CNTN4: variants seen among roughly 807,000 people sequenced by gnomAD.
CNTN4 encodes contactin 4.
CNTN4 carries 77 observed loss-of-function variants against 122.5 expected under a neutral mutation model. The observed-to-expected ratio is 0.63, with a 90% CI of 0.52 to 0.76. CNTN4 has a LOEUF of 0.76. CNTN4 is among the 30% of genes least tolerant of loss of function. CNTN4 has a pLI of 0.00. For missense variants in CNTN4, 1,256 were observed against 1,259.1 expected, an observed-to-expected ratio of 1.00 and a Z score of 0.04; for synonymous variants, 512 against 447.0, an observed-to-expected ratio of 1.15 and a Z score of -1.83.
intron 4 of CNTN4, among the ~76,000 whole-genome samples, chr3:2,606,622 A>G (rs1253218185): frequency 6.6e-6 from 1 of 152,198 alleles, no homozygotes; most frequent in Non-Finnish European, 1.5e-5. Context: ...TCTGAACACA[A>G]TAAGTTGACA....
intron 12 of CNTN4, among the ~76,000 whole-genome samples, chr3:2,907,515 G>C (rs2094250089): frequency 6.6e-6 from 1 of 150,910 alleles, no homozygotes; most frequent in African/African-American, 2.4e-5. Flanking sequence ...AAAGGTTGCA[G>C]TCAGCTAAGA....
chr3:2,550,070 C>A (rs1363195314), intron 3 of CNTN4, among the ~76,000 whole-genome samples: 1 of 151,794 alleles, frequency 6.6e-6, no homozygotes, highest in Non-Finnish European at 1.5e-5. Flanking sequence ...TTTTATTGTG[C>A]CTATTTGATT....
chr3:2,225,615 G>A (rs559294619), intron 2 of CNTN4, among the ~76,000 whole-genome samples: 4 of 152,234 alleles, frequency 2.6e-5, no homozygotes, highest in African/African-American at 9.6e-5. Context: ...ACTATCTCAC[G>A]ACTTTTCTAT....
intron 4 of CNTN4, among the ~76,000 whole-genome samples, chr3:2,584,942 T>TAGATAGAC (rs2080119815): frequency 6.6e-6 from 1 of 151,880 alleles, no homozygotes; most frequent in African/African-American, 2.4e-5. Flanking sequence ...GATAGATAGA[T>TAGATAGAC]AGACAGAAAA....
chr3:2,613,033 T>C (rs1236156080), intron 4 of CNTN4, among the ~76,000 whole-genome samples: 3 of 152,124 alleles, frequency 2.0e-5, no homozygotes, highest in Non-Finnish European at 4.4e-5. Context: ...GTATTTCTTG[T>C]ATATTGTGCC....
intron 2 of CNTN4, among the ~76,000 whole-genome samples, chr3:2,337,817 CG>C (rs2044017434): frequency 6.6e-6 from 1 of 151,796 alleles, no homozygotes; most frequent in African/African-American, 2.4e-5. Context: ...AAACTTTGAC[CG>C]ATGTCTGTAG....
At chr3:2,315,434 G>A (rs2043063299) in intron 2 of CNTN4, among the ~76,000 whole-genome samples, 1 of 151,994 alleles carries the variant, frequency 6.6e-6, no homozygotes, top group Admixed American at 6.6e-5. Context: ...CTTGGTAGGC[G>A]AAAACAGTGG....
intron 3 of CNTN4, among the ~76,000 whole-genome samples, chr3:2,500,798 A>G (rs1393157299): frequency 6.6e-6 from 1 of 152,086 alleles, no homozygotes. Context: ...ACTGAAATAC[A>G]TAGTCATTAA....
At chr3:3,004,683 A>T (rs1424580335) in intron 14 of CNTN4, among the ~76,000 whole-genome samples, 1 of 152,214 alleles carries the variant, frequency 6.6e-6, no homozygotes, top group African/African-American at 2.4e-5. Context: ...TGATGTTTTA[A>T]CCTTAATCAG....
intron 4 of CNTN4, among the ~76,000 whole-genome samples, chr3:2,682,438 C>T (rs1286873481): frequency 6.6e-6 from 1 of 152,094 alleles, no homozygotes. Flanking sequence ...TTCTTACCTG[C>T]AAAATTTACA....
At chr3:2,659,021 A>G (rs977085609) in intron 4 of CNTN4, among the ~76,000 whole-genome samples, 1 of 149,956 alleles carries the variant, frequency 6.7e-6, no homozygotes, top group African/African-American at 2.5e-5. Flanking sequence ...GAACTAACCT[A>G]ATATTTCAGG....
chr3:2,234,351 C>T (rs934437701), intron 2 of CNTN4, among the ~76,000 whole-genome samples: 7 of 114,180 alleles, frequency 6.1e-5, no homozygotes, highest in African/African-American at 2.0e-4. Flanking sequence ...GCACTCCAGC[C>T]GGGGCAACAA....
chr3:2,357,539 A>T (rs562128088), intron 3 of CNTN4, among the ~76,000 whole-genome samples: 1 of 152,330 alleles, frequency 6.6e-6, no homozygotes, highest in East Asian at 1.9e-4. Context: ...AAACAGATTT[A>T]TCTATTTTCC....
At chr3:2,168,472 T>A (rs796129263) in intron 2 of CNTN4, among the ~76,000 whole-genome samples, 1 of 152,096 alleles carries the variant, frequency 6.6e-6, no homozygotes, top group Non-Finnish European at 1.5e-5. Context: ...GAGAGATTTT[T>A]AAAAATGTAA....
chr3:2,782,632 G>T (rs1348545951), intron 6 of CNTN4, among the ~76,000 whole-genome samples: 2 of 152,022 alleles, frequency 1.3e-5, no homozygotes, highest in Admixed American at 6.6e-5. Flanking sequence ...ATATACCACC[G>T]GGCGAACAGG....
intron 8 of CNTN4, 36 bp downstream of exon 8, chr3:2,866,985 G>T: frequency 6.4e-7 from 1 of 1,552,872 alleles, no homozygotes; most frequent in Non-Finnish European, 8.9e-7. Flanking sequence ...TTTTGTTTCT[G>T]CAATCACAGG....
At chr3:2,409,551 G>T (rs563676994) in intron 3 of CNTN4, among the ~76,000 whole-genome samples, 1 of 152,076 alleles carries the variant, frequency 6.6e-6, no homozygotes, top group African/African-American at 2.4e-5. Flanking sequence ...TCGGCCTCTA[G>T]ATATCTTTTC....
chr3:2,918,213 G>A (rs374922552), intron 12 of CNTN4, among the ~76,000 whole-genome samples: 8 of 152,312 alleles, frequency 5.3e-5, no homozygotes, highest in Non-Finnish European at 7.3e-5. Flanking sequence ...TGGTTCTGGT[G>A]AGCCTGCATG....
chr3:2,789,991 A>G (rs923834507), intron 6 of CNTN4, among the ~76,000 whole-genome samples: 22 of 152,212 alleles, frequency 1.4e-4, no homozygotes, highest in African/African-American at 5.3e-4. Flanking sequence ...ATTAGTAATA[A>G]TGATGATTCT....
Sources: gnomAD v4.1 joint callset for allele counts (sites outside exome capture counted in the v4.1 genomes callset) on GRCh38, gnomAD v4.1.1 for gene constraint, MANE v1.5 for transcripts, NCBI Gene and HGNC (gene_info 2026-07-23, HGNC 2026-07-21) for gene names.